Variants in USP13 observed in about 807,000 individuals in gnomAD.
The protein encoded by USP13 is ubiquitin carboxyl-terminal hydrolase 13.
USP13 carries 68 observed loss-of-function variants against 107.8 expected under a neutral mutation model. The observed-to-expected ratio is 0.63, with a 90% CI of 0.52 to 0.77. USP13 has a LOEUF of 0.77. Ranked by LOEUF, USP13 falls within the 30% of genes least tolerant of loss-of-function variation. The probability of loss-of-function intolerance (pLI) is 0.00; values close to 1 mark genes in which losing one functional copy is unlikely to be tolerated. For missense variants in USP13, 945 were observed against 1,093.3 expected, an observed-to-expected ratio of 0.86 and a Z score of 1.91; for synonymous variants, 377 against 389.5, an observed-to-expected ratio of 0.97 and a Z score of 0.38.
At chr3:179,702,309 G>A (rs964708690) in intron 4 of USP13, among the ~76,000 whole-genome samples, 1 of 152,102 alleles carries the variant, frequency 6.6e-6, no homozygotes, top group African/African-American at 2.4e-5. Context: ...GTGAGCCACC[G>A]CGCCCGGCCT....
chr3:179,715,195 C>A (rs1183982869), intron 6 of USP13, among the ~76,000 whole-genome samples: 1 of 150,908 alleles, frequency 6.6e-6, no homozygotes, highest in African/African-American at 2.4e-5. Flanking sequence ...TTCTCTCTCT[C>A]TATTTTTTTA....
At chr3:179,750,322 GTGTGTA>G in intron 13 of USP13, among the ~76,000 whole-genome samples, 1 of 43,926 alleles carries the variant, frequency 2.3e-5, no homozygotes, top group East Asian at 1.3e-3. Flanking sequence ...ATATATATAT[GTGTGTA>G]TATATATATA....
At chr3:179,667,944 G>A (rs991880459) in intron 1 of USP13, among the ~76,000 whole-genome samples, 4 of 152,054 alleles carry the variant, frequency 2.6e-5, no homozygotes, top group Admixed American at 6.6e-5. Flanking sequence ...CACCGTGCCC[G>A]GCTGATTCGG....
rs1038553206 is a variant in USP13 at position 179,667,676 on chromosome 3, C to T, written c.169-14202C>T. The stretch of plus-strand genomic sequence containing the variant: ...GATTCTTTTTTTTGAGACAGAGTTT[C>T]GCTCTTCTTGCCCAGTCTGGAGTGC... On this transcript the variant is annotated intron_variant, in intron 1 of 20. Coordinates refer to ENST00000263966, the MANE Select transcript of USP13 (RefSeq NM_003940.3). Among the ~76,000 whole-genome samples the T allele has an allele frequency of 8.6e-5, 13 of 152,028 alleles. 1 individual carries two copies. The highest frequency in any genetic ancestry group is 6.2e-4 in the South Asian group (3 of 4,810).
At chr3:179,674,620 GT>G (rs113288787) in intron 1 of USP13, among the ~76,000 whole-genome samples, 54,879 of 149,342 alleles carry the variant, frequency 0.37, 10,361 homozygotes, top group African/African-American at 0.42. Flanking sequence ...GCACAAATTA[GT>G]TTTTTTTTTT....
chr3:179,783,280 T>G (rs1286339379), intron 20 of USP13, among the ~76,000 whole-genome samples: 2 of 152,166 alleles, frequency 1.3e-5, no homozygotes, highest in African/African-American at 4.8e-5. Context: ...TTTGATATAC[T>G]TTTCTTTGTT....
intron 8 of USP13, among the ~76,000 whole-genome samples, chr3:179,726,144 C>T (rs1433374285): frequency 6.6e-6 from 1 of 152,082 alleles, no homozygotes; most frequent in Non-Finnish European, 1.5e-5. Flanking sequence ...ATCTGAGGGT[C>T]TCGGGAGGCG....
At chr3:179,752,653 G>A (rs116656975) in intron 14 of USP13, among the ~76,000 whole-genome samples, 3 of 152,284 alleles carry the variant, frequency 2.0e-5, no homozygotes, top group African/African-American at 4.8e-5. Context: ...AAACTTTAAT[G>A]TGCATATGAA....
At chr3:179,755,294 A>G (rs1023968821) in intron 15 of USP13, among the ~76,000 whole-genome samples, 4 of 151,994 alleles carry the variant, frequency 2.6e-5, no homozygotes, top group African/African-American at 9.7e-5. Context: ...TTCAGAACAC[A>G]TAACATTTTT....
At chr3:179,699,979 C>T (rs1397030727) in intron 3 of USP13, among the ~76,000 whole-genome samples, 1 of 151,786 alleles carries the variant, frequency 6.6e-6, no homozygotes, top group Non-Finnish European at 1.5e-5. Context: ...TGTTCATGGG[C>T]CTGTTCATGT....
chr3:179,787,087 C>T lies in USP13; in HGVS notation c.*2946C>T, dbSNP rs552774531. On this transcript the variant is annotated 3_prime_UTR_variant, in exon 21 of 21. Coordinates refer to ENST00000263966, the MANE Select transcript of USP13 (RefSeq NM_003940.3). Reference sequence around the variant, plus strand: ...AGAATCATGTGTTAGTGACACTTTACATCAACGTTGCTTCAATATTTTGGA... The same window carrying T: ...AGAATCATGTGTTAGTGACACTTTATATCAACGTTGCTTCAATATTTTGGA... The T allele has an allele frequency of 1.1e-4, 16 of 152,300 alleles. No individual in the cohort carries two copies. In the South Asian group the frequency reaches 2.9e-3, roughly 28 times the overall value. The allele number at this position is 152,300 out of a possible 1,614,324, so 9.4% of individuals were successfully genotyped here.
intron 6 of USP13, among the ~76,000 whole-genome samples, chr3:179,718,616 C>T (rs1200038312): frequency 6.6e-6 from 1 of 152,180 alleles, no homozygotes; most frequent in African/African-American, 2.4e-5. Context: ...CTTCACCACA[C>T]TGTGTGTGAG....
At chr3:179,668,422 G>A (rs934426536) in intron 1 of USP13, among the ~76,000 whole-genome samples, 2 of 152,314 alleles carry the variant, frequency 1.3e-5, no homozygotes, top group East Asian at 3.9e-4. Context: ...CTTAGTTTAT[G>A]TGAACACATT....
chr3:179,783,092 G>A (rs775425759), intron 20 of USP13, among the ~76,000 whole-genome samples: 2 of 151,640 alleles, frequency 1.3e-5, no homozygotes. Flanking sequence ...ACACGATAGC[G>A]CTTTAAAAAA....
intron 1 of USP13, among the ~76,000 whole-genome samples, chr3:179,658,033 G>A (rs979574230): frequency 4.6e-5 from 7 of 152,060 alleles, no homozygotes. Context: ...GCGAGTCTCT[G>A]GCTTGTCCAT....
intron 8 of USP13, among the ~76,000 whole-genome samples, chr3:179,726,039 T>G (rs1300357669): frequency 1.3e-5 from 2 of 151,932 alleles, no homozygotes; most frequent in Non-Finnish European, 2.9e-5. Context: ...ACAAGTAAAT[T>G]ATAAAACTGC....
chr3:179,743,522 C>T lies in USP13; in HGVS notation c.1534+1172C>T, dbSNP rs116791802. Among the ~76,000 whole-genome samples, 1,339 of 151,778 alleles carry T rather than the reference C, an allele frequency of 8.8e-3. 10 individuals are homozygous for T. Among genetic ancestry groups the T allele is most frequent in the Middle Eastern group, 0.041 (12 of 294 alleles). On this transcript the variant is annotated intron_variant, in intron 12 of 20. Transcript: ENST00000263966. The stretch of plus-strand genomic sequence containing the variant: ...ATGATTATGATGATTTAAGATGAAA[C>T]GATTTTCATTTTCTATATGCTCATG...
At chr3:179,690,905 C>A (rs908838510) in intron 3 of USP13, among the ~76,000 whole-genome samples, 1 of 152,178 alleles carries the variant, frequency 6.6e-6, no homozygotes, top group Non-Finnish European at 1.5e-5. Flanking sequence ...CAGTGACTCA[C>A]GCCTGTATTC....
chr3:179,757,419 G>A (rs1410506456), intron 16 of USP13, among the ~76,000 whole-genome samples: 1 of 152,178 alleles, frequency 6.6e-6, no homozygotes, highest in Non-Finnish European at 1.5e-5. Context: ...ACCTCTTTGT[G>A]CAATGGTGGC....
Sources: allele counts gnomAD v4.1 joint callset (sites outside exome capture counted in the v4.1 genomes callset), GRCh38; gene constraint gnomAD v4.1.1; transcripts MANE v1.5; gene names NCBI Gene and HGNC (gene_info 2026-07-23, HGNC 2026-07-21).